Variants in ARHGAP44 observed in about 807,000 individuals in gnomAD.
The protein encoded by ARHGAP44 is Rho GTPase activating protein 44.
Under a neutral mutation model 106.8 loss-of-function variants are expected in ARHGAP44, and 43 were observed. The observed-to-expected ratio is 0.40, with a 90% confidence interval of 0.32 to 0.52. The LOEUF is 0.52. Among genes scored for constraint, ARHGAP44 ranks in the 20% least tolerant of loss-of-function variants. The probability of loss-of-function intolerance (pLI) is 0.48; values close to 1 mark genes in which losing one functional copy is unlikely to be tolerated. For synonymous variants in ARHGAP44, 439 were observed against 410.3 expected (o/e 1.07, Z -0.85); for missense variants, 866 against 1,050.5 (o/e 0.82, Z 2.43).
intron 1 of ARHGAP44, among the ~76,000 whole-genome samples, chr17:12,803,599 A>G (rs1192302377): frequency 6.6e-6 from 1 of 152,126 alleles, no homozygotes; most frequent in Non-Finnish European, 1.5e-5. Context: ...CCTGGGCTCA[A>G]ATGATCCACC....
intron 18 of ARHGAP44, among the ~76,000 whole-genome samples, chr17:12,976,585 C>G (rs1182991739): frequency 7.0e-6 from 1 of 142,358 alleles, no homozygotes; most frequent in Non-Finnish European, 1.5e-5. Context: ...TGCACTCCAA[C>G]CTGGGTGACA....
chr17:12,902,507 G>C (rs1440661581), intron 3 of ARHGAP44, among the ~76,000 whole-genome samples: 1 of 152,144 alleles, frequency 6.6e-6, no homozygotes, highest in African/African-American at 2.4e-5. Flanking sequence ...TGGGAGCAGG[G>C]ATCTTGTGTC....
At chr17:12,792,129 C>T (rs2033781138) in intron 1 of ARHGAP44, among the ~76,000 whole-genome samples, 1 of 152,164 alleles carries the variant, frequency 6.6e-6, no homozygotes, top group Non-Finnish European at 1.5e-5. Flanking sequence ...GAGCTCATAT[C>T]CACCTTGAGG....
chr17:12,841,734 C>T (rs2035414500), intron 1 of ARHGAP44, among the ~76,000 whole-genome samples: 1 of 152,124 alleles, frequency 6.6e-6, no homozygotes. Context: ...CCTGGGCATG[C>T]TACTTAACCT....
chr17:12,816,696 T>C (rs1402675002), intron 1 of ARHGAP44, among the ~76,000 whole-genome samples: 1 of 152,164 alleles, frequency 6.6e-6, no homozygotes, highest in Non-Finnish European at 1.5e-5. Flanking sequence ...AGAGTCAGTT[T>C]ACCAGAAAGA....
chr17:12,966,693 G>A (rs929183803), intron 16 of ARHGAP44, among the ~76,000 whole-genome samples: 4 of 152,244 alleles, frequency 2.6e-5, no homozygotes. Context: ...TATTTGGGAA[G>A]CTACCAGGTT....
intron 6 of ARHGAP44, among the ~76,000 whole-genome samples, chr17:12,928,384 A>T (rs2038306100): frequency 6.6e-6 from 1 of 152,176 alleles, no homozygotes; most frequent in South Asian, 2.1e-4. Context: ...AGTGATAGTT[A>T]TTTTGAAATA....
intron 5 of ARHGAP44, among the ~76,000 whole-genome samples, 174 bp downstream of exon 5, chr17:12,916,185 T>C (rs7225504): frequency 0.053 from 8,120 of 152,250 alleles, 309 homozygotes; most frequent in Non-Finnish European, 0.079. Context: ...TATGTCCTTT[T>C]AGCATTTGCT....
At chr17:12,971,716 C>T (rs888831980) in intron 16 of ARHGAP44, among the ~76,000 whole-genome samples, 8 of 152,120 alleles carry the variant, frequency 5.3e-5, no homozygotes, top group African/African-American at 1.9e-4. Context: ...TCTCAGACCC[C>T]AGATGACTTT....
intron 16 of ARHGAP44, among the ~76,000 whole-genome samples, chr17:12,962,072 T>TA (rs555679666): frequency 2.4e-4 from 35 of 148,086 alleles, no homozygotes; most frequent in African/African-American, 6.3e-4. Flanking sequence ...TTGGCCAAGT[T>TA]AAAAAAAAAT....
rs556815875 is a variant in ARHGAP44 at position 12,876,867 on chromosome 17, T to C, written c.54-18073T>C. On this transcript the variant is annotated intron_variant, in intron 1 of 20. Coordinates refer to ENST00000379672, the MANE Select transcript of ARHGAP44 (RefSeq NM_014859.6). ...CAGAGGTTTTAGTGACCCGAGACTG[T>C]GCCACTGCACTCCAGCCTGGTGACA... is the stretch of plus-strand genomic sequence containing the variant. Among the ~76,000 whole-genome samples, 203 of 142,570 alleles carry C rather than the reference T, an allele frequency of 1.4e-3. 1 individual carries two copies. In the Middle Eastern group the frequency reaches 0.023, roughly 16 times the overall value. The allele number at this position is 142,570 out of a possible 152,430, so 93.5% of individuals were successfully genotyped here.
chr17:12,841,637 C>CATAA (rs140882682), intron 1 of ARHGAP44, among the ~76,000 whole-genome samples: 2 of 101,618 alleles, frequency 2.0e-5, no homozygotes, highest in Non-Finnish European at 4.1e-5. Flanking sequence ...CACACACACA[C>CATAA]ACAAACAAAC....
rs548652734 is a variant in ARHGAP44 at position 12,802,632 on chromosome 17, G to T, written c.53+12741G>T. On this transcript the variant is annotated intron_variant, in intron 1 of 20. Coordinates refer to ENST00000379672, the MANE Select transcript of ARHGAP44 (RefSeq NM_014859.6). Reference sequence around the variant, plus strand: ...GGGATGATGCTGTTTAACATACCCAGTTGTTGACCAGGCTCTTTAATCAGT... The same window carrying T: ...GGGATGATGCTGTTTAACATACCCATTTGTTGACCAGGCTCTTTAATCAGT... 1.1e-3 allele frequency among the ~76,000 whole-genome samples: 170 copies of T among 151,668 alleles called. 1 individual carries two copies. The highest frequency in any genetic ancestry group is 4.0e-3 in the African/African-American group (164 of 41,350).
chr17:12,846,332 T>G (rs2035569515), intron 1 of ARHGAP44, among the ~76,000 whole-genome samples: 1 of 152,182 alleles, frequency 6.6e-6, no homozygotes, highest in Non-Finnish European at 1.5e-5. Context: ...AGGCCCCCTG[T>G]GCCATAGGCA....
At position 12,949,026 on chromosome 17, in the gene ARHGAP44, T is replaced by C; in HGVS notation, c.862-114T>C. ...CAACTGGGGGATTGGGAGATGGTGT[T>C]GGGCAAATGCATGTAAGAGGTTTTG... On this transcript the variant is annotated intron_variant, in intron 10 of 20. Coordinates refer to ENST00000379672, the MANE Select transcript of ARHGAP44 (RefSeq NM_014859.6). The surrounding 1 kb of genome is among the most constrained non-coding windows in gnomAD (Gnocchi z 4.1). 3.9e-6 allele frequency: 4 copies of C among 1,037,098 alleles called. No individual in the cohort carries two copies. The highest frequency in any genetic ancestry group is 5.7e-6 in the Non-Finnish European group (4 of 696,494). The allele number at this position is 1,037,098 out of a possible 1,614,324, so 64.2% of individuals were successfully genotyped here.
rs373598596 is a variant in ARHGAP44, at chr17:12,990,959, C to G, written c.*788C>G. The G allele has an allele frequency of 6.6e-6, 1 of 152,670 alleles. No homozygotes were observed. The highest frequency in any genetic ancestry group is 1.5e-5 in the Non-Finnish European group (1 of 68,050). The allele number at this position is 152,670 out of a possible 1,614,324, so 9.5% of individuals were successfully genotyped here. A position where few individuals can be genotyped will look rare whatever the true frequency, so the allele number is the denominator to read the frequency against. ...ATATGAGAGTAATTTTACCCCTCTA[C>G]GTACCTAAAGGCACCCAGTTCACTA... On this transcript the variant is annotated 3_prime_UTR_variant, in exon 21 of 21. Transcript: ENST00000379672.
rs2040116744 is a variant in ARHGAP44, at chr17:12,990,872, A to AGTTT, written c.*701_*702insGTTT. ...ATTTCTGAATCTATAAAACAAAACAAACAAGCCTGACAGTGTCTGGAGGAG... is the reference window on the plus strand; with the variant it reads ...ATTTCTGAATCTATAAAACAAAACAAGTTTACAAGCCTGACAGTGTCTGGAGGAG... On this transcript the variant is annotated 3_prime_UTR_variant, in exon 21 of 21. Coordinates refer to ENST00000379672, the MANE Select transcript of ARHGAP44 (RefSeq NM_014859.6). The AGTTT allele has an allele frequency of 6.6e-6, 1 of 152,358 alleles. No individual in the cohort carries two copies. The highest frequency in any genetic ancestry group is 2.4e-5 in the African/African-American group (1 of 41,442). 9.4% of individuals were successfully genotyped at this position (152,358 alleles called of 1,614,324 possible).
chr17:12,960,661 A>G (rs1330787457), intron 16 of ARHGAP44, among the ~76,000 whole-genome samples: 1 of 152,058 alleles, frequency 6.6e-6, no homozygotes, highest in Non-Finnish European at 1.5e-5. Context: ...CCCGGTTTCA[A>G]GTAATAATTC....
intron 1 of ARHGAP44, among the ~76,000 whole-genome samples, chr17:12,815,191 T>G (rs1183687046): frequency 1.3e-5 from 2 of 152,162 alleles, no homozygotes; most frequent in Non-Finnish European, 2.9e-5. Context: ...TCCTGGGATT[T>G]TGTAGAACAA....
Sources: allele counts gnomAD v4.1 joint callset (sites outside exome capture counted in the v4.1 genomes callset), GRCh38; gene constraint gnomAD v4.1.1; non-coding constraint Gnocchi (gnomAD v3.1); transcripts MANE v1.5; gene names NCBI Gene and HGNC (gene_info 2026-07-23, HGNC 2026-07-21).